Variants in ADAMTS19 observed in about 807,000 individuals in gnomAD.
ADAMTS19 encodes ADAM metallopeptidase with thrombospondin type 1 motif 19.
ADAMTS19 carries 93 observed loss-of-function variants against 153.3 expected under a neutral mutation model. The ratio of observed to expected loss-of-function variants is 0.61; its 90% CI spans 0.51 to 0.72. The LOEUF (loss-of-function observed/expected upper bound fraction) is 0.72. ADAMTS19 is among the 30% of genes least tolerant of loss of function. The probability of loss-of-function intolerance (pLI) is 0.00; values close to 1 mark genes in which losing one functional copy is unlikely to be tolerated. For missense variants in ADAMTS19, 1,482 were observed against 1,552.1 expected (o/e 0.95, Z 0.76); for synonymous variants, 600 against 556.6 (o/e 1.08, Z -1.10).
intron 3 of ADAMTS19, among the ~76,000 whole-genome samples, chr5:129,522,332 C>CACACACACATAT (rs1309115957): frequency 2.2e-4 from 13 of 58,622 alleles, no homozygotes; most frequent in Admixed American, 4.1e-4. Context: ...CACACACACA[C>CACACACACATAT]ATATATATAT....
Position 129,493,778 on chromosome 5 carries a change from G to A in ADAMTS19, c.748-15299G>A, listed in dbSNP as rs183923281. On this transcript the variant is annotated intron_variant, in intron 2 of 22. Coordinates refer to ENST00000274487, the MANE Select transcript of ADAMTS19 (RefSeq NM_133638.6). The stretch of plus-strand genomic sequence containing the variant: ...AATCAGTATCAAAAATATTTTTAAC[G>A]TCTTGGCTGCATATAGCAGTTAAAA... Among the ~76,000 whole-genome samples, 850 of 152,158 alleles carry A rather than the reference G, an allele frequency of 5.6e-3. 4 individuals are homozygous for A. The highest frequency in any genetic ancestry group is 9.1e-3 in the Non-Finnish European group (620 of 67,966).
intron 20 of ADAMTS19, among the ~76,000 whole-genome samples, chr5:129,702,007 A>C (rs540505624): frequency 2.6e-5 from 4 of 152,194 alleles, no homozygotes; most frequent in African/African-American, 9.7e-5. Context: ...TATATTGTTT[A>C]TATTTAATCA....
intron 2 of ADAMTS19, among the ~76,000 whole-genome samples, chr5:129,506,832 G>T (rs977958732): frequency 3.3e-5 from 5 of 151,814 alleles, no homozygotes; most frequent in African/African-American, 1.2e-4. Context: ...CATTACCCAT[G>T]ATAAGAGCAT....
chr5:129,621,301 A>T (rs1268230389), intron 9 of ADAMTS19, among the ~76,000 whole-genome samples: 1 of 152,132 alleles, frequency 6.6e-6, no homozygotes, highest in Non-Finnish European at 1.5e-5. Context: ...ATTTTAAAGC[A>T]CTTGTTCATT....
At chr5:129,728,555 G>T (rs1220554608) in intron 21 of ADAMTS19, among the ~76,000 whole-genome samples, 2 of 152,026 alleles carry the variant, frequency 1.3e-5, no homozygotes, top group East Asian at 3.9e-4. Flanking sequence ...CCCCTCTCTT[G>T]GGGTCTGGAT....
At chr5:129,494,955 TACC>T (rs1280798627) in intron 2 of ADAMTS19, among the ~76,000 whole-genome samples, 3 of 152,062 alleles carry the variant, frequency 2.0e-5, no homozygotes, top group Non-Finnish European at 2.9e-5. Context: ...GTGCAAAAAA[TACC>T]ACCATCTTCT....
chr5:129,720,157 T>TAC (rs1274759638), intron 21 of ADAMTS19, among the ~76,000 whole-genome samples: 1 of 140,684 alleles, frequency 7.1e-6, no homozygotes, highest in East Asian at 2.1e-4. Flanking sequence ...TGTATATATA[T>TAC]ATATATATAT....
chr5:129,594,268 T>G (rs1017043263), intron 7 of ADAMTS19, among the ~76,000 whole-genome samples: 1 of 152,158 alleles, frequency 6.6e-6, no homozygotes, highest in Non-Finnish European at 1.5e-5. Context: ...GTAAAACTCA[T>G]TAAAGTGACT....
At chr5:129,566,675 G>A (rs948545067) in intron 7 of ADAMTS19, among the ~76,000 whole-genome samples, 4 of 152,154 alleles carry the variant, frequency 2.6e-5, no homozygotes, top group Non-Finnish European at 4.4e-5. Flanking sequence ...CCAGGAAGGG[G>A]CCCTGATGCT....
chr5:129,685,632 A>C (rs1181823397), intron 18 of ADAMTS19, among the ~76,000 whole-genome samples: 5 of 152,186 alleles, frequency 3.3e-5, no homozygotes. Flanking sequence ...TTCCACAGAA[A>C]ATAGCAGAAG....
intron 21 of ADAMTS19, among the ~76,000 whole-genome samples, chr5:129,732,959 TAC>T (rs1476113466): frequency 5.3e-5 from 8 of 151,778 alleles, no homozygotes; most frequent in Non-Finnish European, 1.0e-4. Context: ...CAAATATAGA[TAC>T]ACAGATCAAG....
chr5:129,556,985 A>C (rs1753336535), intron 7 of ADAMTS19, among the ~76,000 whole-genome samples: 1 of 152,212 alleles, frequency 6.6e-6, no homozygotes, highest in African/African-American at 2.4e-5. Flanking sequence ...GCAGCCATGG[A>C]AAACCAGAAC....
chr5:129,670,866 C>T (rs567456939), intron 16 of ADAMTS19, among the ~76,000 whole-genome samples: 2 of 152,268 alleles, frequency 1.3e-5, no homozygotes, highest in Admixed American at 6.5e-5. Context: ...TCTCCAATCA[C>T]TCTTTGTTTT....
In ADAMTS19 at chr5:129,738,422, A is replaced by C. The variant is rs1035976649; in HGVS notation, c.*1204A>C. ...CTACTTTTGTTCTGGAGTATCTTCT[A>C]GAGGATGTTTATAGAGTGAACTGCC... On this transcript the variant is annotated 3_prime_UTR_variant, in exon 23 of 23. Transcript: ENST00000274487. The C allele has an allele frequency of 2.6e-5, 4 of 152,044 alleles. No individual in the cohort carries two copies. The highest frequency in any genetic ancestry group is 7.2e-5 in the African/African-American group (3 of 41,422). 9.4% of individuals were successfully genotyped at this position (152,044 alleles called of 1,614,324 possible). A position where few individuals can be genotyped will look rare whatever the true frequency, so the allele number is the denominator to read the frequency against.
At chr5:129,505,387 T>C (rs906369741) in intron 2 of ADAMTS19, among the ~76,000 whole-genome samples, 2 of 152,168 alleles carry the variant, frequency 1.3e-5, no homozygotes, top group African/African-American at 4.8e-5. Context: ...TTCTAACTTT[T>C]TAGTTAGCTC....
intron 7 of ADAMTS19, among the ~76,000 whole-genome samples, chr5:129,561,603 C>A (rs748470818): frequency 2.0e-5 from 3 of 151,388 alleles, no homozygotes; most frequent in Non-Finnish European, 2.9e-5. Context: ...AAACGCATGT[C>A]GTAGTGTTTT....
At chr5:129,504,992 G>A (rs971805545) in intron 2 of ADAMTS19, among the ~76,000 whole-genome samples, 37 of 152,102 alleles carry the variant, frequency 2.4e-4, no homozygotes, top group African/African-American at 8.9e-4. Context: ...AAACATGAGG[G>A]TGCAGATCTC....
chr5:129,723,363 A>G (rs1440824067), intron 21 of ADAMTS19, among the ~76,000 whole-genome samples: 1 of 152,182 alleles, frequency 6.6e-6, no homozygotes, highest in Non-Finnish European at 1.5e-5. Context: ...GTAATAATGT[A>G]GGAAATGGCA....
intron 6 of ADAMTS19, among the ~76,000 whole-genome samples, chr5:129,539,498 A>G (rs958819824): frequency 3.9e-5 from 6 of 152,052 alleles, no homozygotes; most frequent in African/African-American, 1.4e-4. Context: ...CTGACAAGAT[A>G]ACAAATTTGT....
Sources: allele counts gnomAD v4.1 joint callset (sites outside exome capture counted in the v4.1 genomes callset), GRCh38; gene constraint gnomAD v4.1.1; transcripts MANE v1.5; gene names NCBI Gene and HGNC (gene_info 2026-07-23, HGNC 2026-07-21).